TFCP2: variants seen among roughly 807,000 people sequenced by gnomAD.
TFCP2 encodes the protein alpha-globin transcription factor CP2.
TFCP2 carries 33 observed loss-of-function variants against 73.4 expected under a neutral mutation model. That is an observed-to-expected ratio of 0.45 (90% CI 0.34 to 0.60). TFCP2 has a LOEUF of 0.60. Among genes scored for constraint, TFCP2 ranks in the 20% least tolerant of loss-of-function variants. The pLI, the probability that TFCP2 is intolerant of heterozygous loss-of-function variation, is 0.01. For synonymous variants in TFCP2, 193 were observed against 211.6 expected (o/e 0.91, Z 0.76); for missense variants, 352 against 604.0 (o/e 0.58, Z 4.37).
chr12:51,149,295 TAA>T (rs1471036596), intron 1 of TFCP2, among the ~76,000 whole-genome samples: 1 of 151,670 alleles, frequency 6.6e-6, no homozygotes, highest in Non-Finnish European at 1.5e-5. Context: ...AGGTGAGGGG[TAA>T]AAGACTATAC....
chr12:51,151,189 G>C (rs1044212693), intron 1 of TFCP2, among the ~76,000 whole-genome samples: 14 of 152,228 alleles, frequency 9.2e-5, no homozygotes, highest in African/African-American at 3.1e-4. Context: ...GGCTGCAGCA[G>C]AGCAAGCCAG....
chr12:51,104,009 T>C (rs868299479), intron 9 of TFCP2, 146 bp downstream of exon 9: 3 of 867,046 alleles, frequency 3.5e-6, no homozygotes, highest in Non-Finnish European at 5.7e-6. Flanking sequence ...TAGCACAGTA[T>C]CTGGTTCATA....
Position 51,099,530 on chromosome 12 carries a change from C to T in TFCP2, c.1276+125G>A, listed in dbSNP as rs1209145782. 6.3e-6 allele frequency: 8 copies of T among 1,262,208 alleles called. No homozygotes were observed. In the Admixed American group the frequency reaches 1.5e-4, roughly 23 times the overall value. 78.2% of individuals were successfully genotyped at this position (1,262,208 alleles called of 1,614,324 possible). On this transcript the variant is annotated intron_variant, in intron 12 of 14. Transcript: ENST00000257915. ...CCATGTATTAGGAACTTAATAAATG[C>T]TAGTGATTATTGTTACTTCTAGCAA...
chr12:51,139,033 C>T lies in TFCP2; in HGVS notation c.123-20261G>A, dbSNP rs117964599. Among the ~76,000 whole-genome samples, 105 of 152,272 alleles carry T rather than the reference C, an allele frequency of 6.9e-4. No homozygotes were observed. The East Asian group carries it at 0.019, about 27-fold the overall frequency. On this transcript the variant is annotated intron_variant, in intron 1 of 14. Transcript: ENST00000257915. ...GTTAGACCTGATGATGCAATCAAAG[C>T]AGAAATGTTATTTGCCCCTTGTCTT...
intron 3 of TFCP2, among the ~76,000 whole-genome samples, chr12:51,117,168 CT>C (rs1940547867): frequency 6.6e-6 from 1 of 152,160 alleles, no homozygotes; most frequent in Admixed American, 6.6e-5. Context: ...ATCAACTTTC[CT>C]TTTGTTACTC....
intron 1 of TFCP2, among the ~76,000 whole-genome samples, chr12:51,152,063 T>C: frequency 6.6e-6 from 1 of 152,152 alleles, no homozygotes; most frequent in African/African-American, 2.4e-5. Context: ...TTACATAGTC[T>C]CAAAACATCT....
chr12:51,119,186 A>G (rs1274835231), intron 1 of TFCP2, among the ~76,000 whole-genome samples: 1 of 152,264 alleles, frequency 6.6e-6, no homozygotes, highest in Non-Finnish European at 1.5e-5. Context: ...AATTCCTTAG[A>G]AGCCACGTGA....
intron 1 of TFCP2, among the ~76,000 whole-genome samples, chr12:51,171,092 A>G (rs985464182): frequency 3.9e-5 from 6 of 152,212 alleles, no homozygotes; most frequent in African/African-American, 1.4e-4. Flanking sequence ...CAGAATGAAA[A>G]ATGCATCTAC....
rs1940333235 is a variant in TFCP2, at chr12:51,109,210, G to A, written c.628C>T (p.Arg210Ter). 5 of 1,614,084 alleles carry A rather than the reference G, an allele frequency of 3.1e-6. No individual in the cohort carries two copies. Among genetic ancestry groups the A allele is most frequent in the East Asian group, 2.2e-5 (1 of 44,880 alleles). The stretch of plus-strand genomic sequence containing the variant: ...TCCTTGAAGGTATCTATTTGTACTC[G>A]GAATGGCACCCCCTTTTCTCCACCA... The part of the protein sequence containing the change: ...KHGGEKGVPF[R>*]VQIDTFKENE... Residue 210 changes from arginine to a stop codon, truncating the protein, a stop_gained, in exon 6 of 15, where the codon CGA (arginine) becomes TGA (stop). Coordinates refer to ENST00000257915, the MANE Select transcript of TFCP2 (RefSeq NM_005653.5). LOFTEE classifies it high-confidence loss of function.
At chr12:51,125,774 T>G (rs1940798566) in intron 1 of TFCP2, among the ~76,000 whole-genome samples, 1 of 152,224 alleles carries the variant, frequency 6.6e-6, no homozygotes, top group South Asian at 2.1e-4. Flanking sequence ...ATTTTTTATC[T>G]TACCCTATCT....
chr12:51,136,283 AAC>A (rs1421334734), intron 1 of TFCP2, among the ~76,000 whole-genome samples: 1 of 145,960 alleles, frequency 6.9e-6, no homozygotes, highest in Non-Finnish European at 1.5e-5. Flanking sequence ...CACTCCAGCC[AAC>A]AGTGTGAGAC....
rs770963610 is a variant in TFCP2, at chr12:51,157,681, C to CTTTT, written c.122+14616_122+14619dup. Among the ~76,000 whole-genome samples the CTTTT allele has an allele frequency of 9.6e-3, 740 of 77,192 alleles. 41 individuals carry two copies. Among genetic ancestry groups the CTTTT allele is most frequent in the Middle Eastern group, 0.013 (1 of 76 alleles). 50.6% of individuals were successfully genotyped at this position (77,192 alleles called of 152,430 possible). On this transcript the variant is annotated intron_variant, in intron 1 of 14. Transcript: ENST00000257915. ...TTCAGTAATTTGAGTTTTTTCTTTT[C>CTTTT]TTTTCTTTTTTTTTTTTTTTTTTGA...
intron 1 of TFCP2, among the ~76,000 whole-genome samples, chr12:51,130,921 G>C (rs1940929561): frequency 6.6e-6 from 1 of 151,938 alleles, no homozygotes; most frequent in Non-Finnish European, 1.5e-5. Context: ...CCGGGAGGCA[G>C]GGGTTGCAGT....
In TFCP2 at chr12:51,094,968, T is replaced by C. The variant is rs761857802; in HGVS notation, c.*273A>G. 2 of 475,364 alleles carry C rather than the reference T, an allele frequency of 4.2e-6. No individual in the cohort carries two copies. Among genetic ancestry groups the C allele is most frequent in the Non-Finnish European group, 7.6e-6 (2 of 264,192 alleles). 29.4% of individuals were successfully genotyped at this position (475,364 alleles called of 1,614,324 possible). Reference sequence around the variant, plus strand: ...TGCCCTACATACACTCTAAATTATGTAGAGTTTCTACTGATATTTAACAAC... The same window carrying C: ...TGCCCTACATACACTCTAAATTATGCAGAGTTTCTACTGATATTTAACAAC... On this transcript the variant is annotated 3_prime_UTR_variant, in exon 15 of 15. Coordinates refer to ENST00000257915, the MANE Select transcript of TFCP2 (RefSeq NM_005653.5).
chr12:51,138,314 G>T lies in TFCP2; in HGVS notation c.123-19542C>A, dbSNP rs527631287. Reference sequence around the variant, plus strand: ...ACTCCTATAATCCCATGTAAACCATGCCTGGCTAATTTTTGTATTTTTAGT... The same window carrying T: ...ACTCCTATAATCCCATGTAAACCATTCCTGGCTAATTTTTGTATTTTTAGT... On this transcript the variant is annotated intron_variant, in intron 1 of 14. Transcript: ENST00000257915. Among the ~76,000 whole-genome samples the T allele has an allele frequency of 2.6e-5, 4 of 151,914 alleles. No homozygotes were observed. In the South Asian group the frequency reaches 8.3e-4, roughly 32 times the overall value.
At chr12:51,095,763 G>A (rs112422759) in intron 14 of TFCP2, among the ~76,000 whole-genome samples, 11,526 of 135,146 alleles carry the variant, frequency 0.085, 516 homozygotes, top group Middle Eastern at 0.15. Context: ...GTAGTGAGCC[G>A]AGATCATGCC....
At chr12:51,143,723 AC>A (rs1487403736) in intron 1 of TFCP2, among the ~76,000 whole-genome samples, 1 of 152,112 alleles carries the variant, frequency 6.6e-6, no homozygotes, top group Non-Finnish European at 1.5e-5. Context: ...CAGAATTCAA[AC>A]CCCTAAGTTT....
At chr12:51,111,767 T>C (rs180768901) in intron 4 of TFCP2, among the ~76,000 whole-genome samples, 110 of 152,082 alleles carry the variant, frequency 7.2e-4, no homozygotes, top group African/African-American at 2.6e-3. Flanking sequence ...AGCAGGAGAA[T>C]TGCTTGAACC....
rs147064959 is a variant in TFCP2 at position 51,094,298 on chromosome 12, A to G, written c.*943T>C. The G allele has an allele frequency of 2.5e-3, 388 of 152,292 alleles. 1 individual carries two copies. Among genetic ancestry groups the G allele is most frequent in the African/African-American group, 8.7e-3 (361 of 41,554 alleles). The allele number at this position is 152,292 out of a possible 1,614,324, so 9.4% of individuals were successfully genotyped here. A position where few individuals can be genotyped will look rare whatever the true frequency, so the allele number is the denominator to read the frequency against. On this transcript the variant is annotated 3_prime_UTR_variant, in exon 15 of 15. Transcript: ENST00000257915. Reference sequence around the variant, plus strand: ...AACTAATGACACTTAAAAAGCATCTATGTGTTCATTTCTTGTAGGTCTTGA... The same window carrying G: ...AACTAATGACACTTAAAAAGCATCTGTGTGTTCATTTCTTGTAGGTCTTGA...
Sources: allele counts gnomAD v4.1 joint callset (sites outside exome capture counted in the v4.1 genomes callset), GRCh38; gene constraint gnomAD v4.1.1; transcripts MANE v1.5; gene names NCBI Gene and HGNC (gene_info 2026-07-23, HGNC 2026-07-21).